The following HIPK3 variants were observed in gnomAD, a reference collection of about 807,000 sequenced individuals.
HIPK3 encodes homeodomain interacting protein kinase 3.
Under a neutral mutation model 124.2 loss-of-function variants are expected in HIPK3, and 47 were observed. The observed-to-expected ratio is 0.38, with a 90% CI of 0.30 to 0.48. The LOEUF (loss-of-function observed/expected upper bound fraction) is 0.48, where lower values mean the gene tolerates loss of function less well. Ranked by LOEUF, HIPK3 falls within the 20% of genes least tolerant of loss-of-function variation. HIPK3 has a pLI of 0.98. For missense variants in HIPK3, 1,286 were observed against 1,454.3 expected (o/e 0.88, Z 1.88); for synonymous variants, 482 against 515.2 (o/e 0.94, Z 0.87).
At chr11:33,329,125 C>T (rs1384674259) in intron 3 of HIPK3, among the ~76,000 whole-genome samples, 1 of 152,114 alleles carries the variant, frequency 6.6e-6, no homozygotes, top group African/African-American at 2.4e-5. Context: ...TTTAATGATT[C>T]TCGGTAGAAT....
chr11:33,284,161 TATAAG>T (rs2133897322), intron 1 of HIPK3, among the ~76,000 whole-genome samples: 1 of 152,338 alleles, frequency 6.6e-6, no homozygotes, highest in Non-Finnish European at 1.5e-5. Context: ...TGTGATTTGT[TATAAG>T]AGTAGGAGAC....
intron 6 of HIPK3, 29 bp downstream of exon 6, chr11:33,339,563 G>T: frequency 7.0e-7 from 1 of 1,429,470 alleles, no homozygotes. Flanking sequence ...TTTTAAAGTG[G>T]TTCTAAAAAA....
At chr11:33,266,555 A>G (rs1329445333) in intron 1 of HIPK3, among the ~76,000 whole-genome samples, 4 of 152,010 alleles carry the variant, frequency 2.6e-5, no homozygotes. Context: ...GAAAATACAA[A>G]AGTTATTCAG....
intron 15 of HIPK3, 114 bp downstream of exon 15, chr11:33,351,957 A>T: frequency 9.7e-7 from 1 of 1,029,248 alleles, no homozygotes; most frequent in Non-Finnish European, 1.4e-6. Context: ...ACCCTGCCTT[A>T]TGTATTGTAC....
At chr11:33,352,651 A>G (rs1024552023) in intron 16 of HIPK3, among the ~76,000 whole-genome samples, 1 of 152,174 alleles carries the variant, frequency 6.6e-6, no homozygotes, top group Non-Finnish European at 1.5e-5. Flanking sequence ...TGGTTTTGCC[A>G]TGTACTATAT....
chr11:33,339,885 A>G (rs1014463032), intron 6 of HIPK3, among the ~76,000 whole-genome samples: 1 of 152,168 alleles, frequency 6.6e-6, no homozygotes, highest in East Asian at 1.9e-4. Flanking sequence ...TGTAGGTTCT[A>G]TCATATTTTG....
At chr11:33,272,239 A>T (rs1851145146) in intron 1 of HIPK3, among the ~76,000 whole-genome samples, 1 of 152,052 alleles carries the variant, frequency 6.6e-6, no homozygotes, top group African/African-American at 2.4e-5. Context: ...CTCTACTAAA[A>T]ATTCGAAAGA....
intron 2 of HIPK3, among the ~76,000 whole-genome samples, chr11:33,314,656 A>T (rs992888574): frequency 6.6e-6 from 1 of 151,682 alleles, no homozygotes; most frequent in Non-Finnish European, 1.5e-5. Flanking sequence ...ACTCCATCTC[A>T]CACACACACA....
intron 1 of HIPK3, among the ~76,000 whole-genome samples, chr11:33,262,585 C>T (rs563183348): frequency 4.7e-4 from 71 of 152,242 alleles, no homozygotes; most frequent in African/African-American, 1.6e-3. Flanking sequence ...TTTAGGACAG[C>T]ATTTGTGGTT....
Position 33,315,476 on chromosome 11 carries a change from C to T in HIPK3, c.1098-13034C>T, listed in dbSNP as rs568838859. ...TCCTGACCTCGTGATCCACCTGCCT[C>T]GGCCTCCCAAGGTGCTGGGATTACA... On this transcript the variant is annotated intron_variant, in intron 2 of 16. Transcript: ENST00000303296. Among the ~76,000 whole-genome samples, 14 of 152,284 alleles carry T rather than the reference C, an allele frequency of 9.2e-5. No homozygotes were observed. In the East Asian group the frequency reaches 1.4e-3, roughly 15 times the overall value.
intron 2 of HIPK3, among the ~76,000 whole-genome samples, chr11:33,288,494 C>T (rs1215526069): frequency 6.6e-6 from 1 of 152,096 alleles, no homozygotes; most frequent in Admixed American, 6.5e-5. Flanking sequence ...TTCTTTGGCT[C>T]CCGTGACTCT....
Position 33,354,433 on chromosome 11 carries a change from A to G in HIPK3, c.*865A>G, listed in dbSNP as rs796445968. 1.5e-4 allele frequency: 23 copies of G among 152,736 alleles called. No homozygotes were observed. The highest frequency in any genetic ancestry group is 5.3e-4 in the African/African-American group (22 of 41,578). The allele number at this position is 152,736 out of a possible 1,614,324, so 9.5% of individuals were successfully genotyped here. Reference sequence around the variant, plus strand: ...TAACTGTCACAGCACAGCATTTTATATACTGTTAAGTGAAACTGCAATACA... The same window carrying G: ...TAACTGTCACAGCACAGCATTTTATGTACTGTTAAGTGAAACTGCAATACA... On this transcript the variant is annotated 3_prime_UTR_variant, in exon 17 of 17. Coordinates refer to ENST00000303296, the MANE Select transcript of HIPK3 (RefSeq NM_005734.5).
At chr11:33,338,058 TA>T (rs945916044) in intron 4 of HIPK3, among the ~76,000 whole-genome samples, 107 of 152,306 alleles carry the variant, frequency 7.0e-4, no homozygotes, top group African/African-American at 2.5e-3. Context: ...CATCTTAAAT[TA>T]AAAAAACTTT....
chr11:33,300,501 T>G (rs1851969025), intron 2 of HIPK3, among the ~76,000 whole-genome samples: 2 of 152,226 alleles, frequency 1.3e-5, no homozygotes, highest in Admixed American at 1.3e-4. Flanking sequence ...ATTTTTTAGC[T>G]ATCAAGTATT....
intron 2 of HIPK3, 102 bp from the exon 3 acceptor site, chr11:33,328,408 T>C (rs982479336): frequency 8.9e-7 from 1 of 1,118,962 alleles, no homozygotes; most frequent in East Asian, 2.4e-5. Context: ...ATACATAGAA[T>C]GTGATACCTC....
At chr11:33,339,631 A>C (rs1387962317) in intron 6 of HIPK3, 97 bp downstream of exon 6, 1 of 873,830 alleles carries the variant, frequency 1.1e-6, no homozygotes, top group East Asian at 2.4e-5. Context: ...ATTAAACACA[A>C]GTAACCTGAG....
Position 33,349,255 on chromosome 11 carries a change from G to T in HIPK3, c.2775G>T (p.Gln925His). The T allele has an allele frequency of 1.9e-6, 3 of 1,613,732 alleles. No homozygotes were observed. The South Asian group carries it at 3.3e-5, about 18-fold the overall frequency. Residue 925 changes from glutamine to histidine, a missense_variant, in exon 14 of 17, where the codon CAG becomes CAT. By Grantham distance (24) the Gln-to-His change is conservative. Around this residue, in one of 3 missense-constraint regions of HIPK3, gnomAD observed 810 missense variants for 864.9 expected, o/e 0.94. Coordinates refer to ENST00000303296, the MANE Select transcript of HIPK3 (RefSeq NM_005734.5). ...DSTLSTSSSG[Q>H]SSPSPCKRPN... Reference sequence around the variant, plus strand: ...CTCTGAGTACCAGCTCCTCAGGGCAGTCCAGCCCATCCCCCTGCAAGAGAC... The same window carrying T: ...CTCTGAGTACCAGCTCCTCAGGGCATTCCAGCCCATCCCCCTGCAAGAGAC...
At position 33,319,721 on chromosome 11, in the gene HIPK3, A is replaced by G. The variant is rs1852608372; in HGVS notation, c.1098-8789A>G. Reference sequence around the variant, plus strand: ...TTAGCTTTTGTTGGTTGATCAATTCATTGAACAAATAATGAAGTGTTTTAT... The same window carrying G: ...TTAGCTTTTGTTGGTTGATCAATTCGTTGAACAAATAATGAAGTGTTTTAT... On this transcript the variant is annotated intron_variant, in intron 2 of 16. Transcript: ENST00000303296. Among the ~76,000 whole-genome samples, 3 of 152,180 alleles carry G rather than the reference A, an allele frequency of 2.0e-5. No individual in the cohort carries two copies. The South Asian group carries it at 6.2e-4, about 31-fold the overall frequency.
chr11:33,320,247 A>G (rs903917968), intron 2 of HIPK3, among the ~76,000 whole-genome samples: 1 of 152,180 alleles, frequency 6.6e-6, no homozygotes, highest in Admixed American at 6.5e-5. Flanking sequence ...GACATGGTCT[A>G]ATTTATGTAT....
Sources: gnomAD v4.1 joint callset for allele counts (sites outside exome capture counted in the v4.1 genomes callset) on GRCh38, gnomAD v4.1.1 for gene constraint, gnomAD v4.1.1 regional missense constraint, MANE v1.5 for transcripts, NCBI Gene and HGNC (gene_info 2026-07-23, HGNC 2026-07-21) for gene names.